The following IFNLR1 variants were observed in gnomAD, a reference collection of about 807,000 sequenced individuals.
The protein encoded by IFNLR1 is interferon lambda receptor 1.
Under a neutral mutation model 52.5 loss-of-function variants are expected in IFNLR1, and 28 were observed. The ratio of observed to expected loss-of-function variants is 0.53; its 90% CI spans 0.40 to 0.73. The LOEUF (loss-of-function observed/expected upper bound fraction) is 0.73. Among genes scored for constraint, IFNLR1 ranks in the 30% least tolerant of loss-of-function variants. The probability of loss-of-function intolerance (pLI) is 0.00; values close to 1 mark genes in which losing one functional copy is unlikely to be tolerated. For synonymous variants in IFNLR1, 276 were observed against 274.9 expected (o/e 1.00, Z -0.04); for missense variants, 623 against 659.1 (o/e 0.95, Z 0.60).
rs1644418808 is a variant in IFNLR1 at position 24,159,578 on chromosome 1, G to A, written c.566C>T (p.Ala189Val). ...ACTGAGGCAGTGGTGTTCGCTGGCA[G>A]CTGGCTGGAGAGTGATCTGGACTGG... ...GQPVQITLQP[A>V]ASEHHCLSAR... Residue 189 changes from alanine (A) to valine (V), a missense_variant, in exon 5 of 7, where the codon GCT (alanine) becomes GTT (valine). Ala to Val is a moderately conservative substitution (Grantham distance 64). Coordinates refer to ENST00000327535, the MANE Select transcript of IFNLR1 (RefSeq NM_170743.4). 1.2e-6 allele frequency: 2 copies of A among 1,614,122 alleles called. No individual in the cohort carries two copies. The highest frequency in any genetic ancestry group is 4.5e-5 in the East Asian group (2 of 44,880).
chr1:24,181,920 C>G (rs909349361), intron 1 of IFNLR1, among the ~76,000 whole-genome samples: 1 of 152,088 alleles, frequency 6.6e-6, no homozygotes, highest in South Asian at 2.1e-4. Context: ...TTTCATGGGC[C>G]GGGCGCAGTG....
chr1:24,175,933 T>C lies in IFNLR1; in HGVS notation c.182+4798A>G, dbSNP rs6424160. Among the ~76,000 whole-genome samples the C allele has an allele frequency of 7.3e-3, 909 of 125,262 alleles. 11 individuals are homozygous for C. The highest frequency in any genetic ancestry group is 0.037 in the African/African-American group (866 of 23,622). The allele number at this position is 125,262 out of a possible 152,430, so 82.2% of individuals were successfully genotyped here. On this transcript the variant is annotated intron_variant, in intron 2 of 6. Coordinates refer to ENST00000327535, the MANE Select transcript of IFNLR1 (RefSeq NM_170743.4). ...TGGGCAACAAGAGCAAAACTCTGTT[T>C]CAAAAAAAAAAAAAAAAGAGAGTTT...
rs1644394096 is a variant in IFNLR1, at chr1:24,157,490, A to G, written c.1203T>C (p.Ala401=). The G allele has an allele frequency of 6.2e-7, 1 of 1,613,204 alleles. No homozygotes were observed. The highest frequency in any genetic ancestry group is 8.5e-7 in the Non-Finnish European group (1 of 1,179,592). Residue 401 remains alanine (A), a synonymous_variant, in exon 7 of 7, where the codon GCT becomes GCC. Coordinates refer to ENST00000327535, the MANE Select transcript of IFNLR1 (RefSeq NM_170743.4). The surrounding 1 kb of genome is among the most constrained non-coding windows in gnomAD (Gnocchi z 5.1). ...ASTVDSSWDR[A]GSSGYLAEKG... ...TCTCAGCCAAATAGCCAGAGGACCCAGCCCTGTCCCAGGAGGAGTCCACAG... is the reference window on the plus strand; with the variant it reads ...TCTCAGCCAAATAGCCAGAGGACCCGGCCCTGTCCCAGGAGGAGTCCACAG...
chr1:24,164,410 TA>T (rs1644497001), intron 3 of IFNLR1, among the ~76,000 whole-genome samples: 1 of 152,240 alleles, frequency 6.6e-6, no homozygotes, highest in Admixed American at 6.5e-5. Context: ...GTGTTCCATT[TA>T]ATCCAAGCTA....
rs374130629 is a variant in IFNLR1, at chr1:24,184,792, G to C, written c.58+2399C>G. ...CCAGCATTTTGGGAGGCAGAGGTAG[G>C]CAAATCACCTGAGGTCAGGAGTTTG... On this transcript the variant is annotated intron_variant, in intron 1 of 6. Transcript: ENST00000327535. Among the ~76,000 whole-genome samples the C allele has an allele frequency of 2.6e-5, 4 of 152,272 alleles. No individual in the cohort carries two copies. The East Asian group carries it at 7.7e-4, about 29-fold the overall frequency.
chr1:24,159,738 T>TTTTTTTTTTTTTTTG, intron 4 of IFNLR1, 105 bp from the exon 5 acceptor site: 2 of 581,504 alleles, frequency 3.4e-6, no homozygotes, highest in Non-Finnish European at 4.9e-6. Context: ...TTTTTTTTTG[T>TTTTTTTTTTTTTTTG]TTTTTTTTTT....
chr1:24,169,346 C>T, intron 3 of IFNLR1, 71 bp downstream of exon 3: 2 of 1,394,202 alleles, frequency 1.4e-6, no homozygotes, highest in South Asian at 1.3e-5. Flanking sequence ...AGAACAGAAC[C>T]ACTGAGCACT....
At chr1:24,161,219 A>T (rs1644439782) in intron 4 of IFNLR1, among the ~76,000 whole-genome samples, 1 of 152,220 alleles carries the variant, frequency 6.6e-6, no homozygotes, top group Non-Finnish European at 1.5e-5. Context: ...CTATACACAC[A>T]TGCATACACA....
chr1:24,187,166 C>A, intron 1 of IFNLR1, 25 bp downstream of exon 1: 1 of 1,360,074 alleles, frequency 7.4e-7, no homozygotes, highest in South Asian at 1.6e-5. Flanking sequence ...TCTTCCCCCT[C>A]CCTCCCGCGG....
At chr1:24,180,203 A>G (rs1386841068) in intron 2 of IFNLR1, among the ~76,000 whole-genome samples, 2 of 151,802 alleles carry the variant, frequency 1.3e-5, no homozygotes, top group Non-Finnish European at 2.9e-5. Context: ...AGGCTGAGGC[A>G]GGAGAATCAC....
In IFNLR1 at chr1:24,159,738, T is replaced by TTTTTTTTTTTTTG. The variant is rs1557642014; in HGVS notation, c.511-106_511-105insCAAAAAAAAAAAA. The TTTTTTTTTTTTTG allele has an allele frequency of 2.0e-3, 1,183 of 578,790 alleles. 11 individuals carry two copies. Among genetic ancestry groups the TTTTTTTTTTTTTG allele is most frequent in the East Asian group, 7.1e-3 (159 of 22,424 alleles). The allele number at this position is 578,790 out of a possible 1,614,324, so 35.9% of individuals were successfully genotyped here. ...GACATGGTAGGGTGTTTTTTTTTTG[T>TTTTTTTTTTTTTG]TTTTTTTTTTTGTTTTTTTGTAGGG... On this transcript the variant is annotated intron_variant, in intron 4 of 6. Transcript: ENST00000327535.
At chr1:24,172,909 G>C (rs1644595665) in intron 2 of IFNLR1, among the ~76,000 whole-genome samples, 1 of 152,072 alleles carries the variant, frequency 6.6e-6, no homozygotes, top group African/African-American at 2.4e-5. Flanking sequence ...GTGTGCATGC[G>C]CTCTTGGTGT....
At chr1:24,173,371 A>C (rs1644601251) in intron 2 of IFNLR1, among the ~76,000 whole-genome samples, 1 of 152,192 alleles carries the variant, frequency 6.6e-6, no homozygotes, top group Non-Finnish European at 1.5e-5. Flanking sequence ...GGAGTTGTAA[A>C]TTAAAGCCAT....
chr1:24,176,486 T>C (rs915470389), intron 2 of IFNLR1, among the ~76,000 whole-genome samples: 7 of 152,234 alleles, frequency 4.6e-5, no homozygotes, highest in Non-Finnish European at 8.8e-5. Flanking sequence ...TCTATATACA[T>C]TTTAACTCAA....
rs760060235 is a variant in IFNLR1 at position 24,187,237 on chromosome 1, G to T, written c.12C>A (p.Pro4=). 8 of 1,282,228 alleles carry T rather than the reference G, an allele frequency of 6.2e-6. 1 individual carries two copies. The highest frequency in any genetic ancestry group is 1.5e-5 in the African/African-American group (1 of 64,556). 79.4% of individuals were successfully genotyped at this position (1,282,228 alleles called of 1,614,324 possible). The change falls in exon 1 of 7, where the codon CCC becomes CCA. Residue 4 remains proline, a synonymous_variant. Transcript: ENST00000327535. The part of the protein sequence containing the change: MAG[P]ERWGPLLLCL... ...ACAGGAGCAGGGGGCCCCAGCGCTC[G>T]GGCCCCGCCATGGCCTTCCTGCCGC...
At chr1:24,161,374 A>G (rs1644441113) in intron 4 of IFNLR1, 168 bp downstream of exon 4, 1 of 719,992 alleles carries the variant, frequency 1.4e-6, no homozygotes, top group Non-Finnish European at 2.3e-6. Flanking sequence ...CCTGTAGGTC[A>G]TCATACTTTG....
chr1:24,184,712 C>G (rs951050886), intron 1 of IFNLR1, among the ~76,000 whole-genome samples: 1 of 152,018 alleles, frequency 6.6e-6, no homozygotes, highest in South Asian at 2.1e-4. Flanking sequence ...ATGATGATAA[C>G]GATGATGATA....
intron 3 of IFNLR1, among the ~76,000 whole-genome samples, chr1:24,162,081 T>C (rs541028525): frequency 1.3e-5 from 2 of 152,310 alleles, no homozygotes; most frequent in African/African-American, 2.4e-5. Context: ...TACAAACTTA[T>C]TATCTCACAG....
rs753082516 is a variant in IFNLR1 at position 24,157,391 on chromosome 1, C to T, written c.1302G>A (p.Ser434=). Residue 434 remains serine (S), a synonymous_variant, in exon 7 of 7, where the codon TCG becomes TCA. Coordinates refer to ENST00000327535, the MANE Select transcript of IFNLR1 (RefSeq NM_170743.4). The surrounding 1 kb of genome is among the most constrained non-coding windows in gnomAD (Gnocchi z 5.1). ...SLPPPEFSKD[S]GFLEELPEDN... is the part of the protein sequence containing the mutation. ...CTTCTGGGAGCTCTTCCAGGAAACC[C>T]GAGTCCTTGGAGAATTCAGGTGGTG... The T allele has an allele frequency of 1.1e-5, 18 of 1,614,184 alleles. No homozygotes were observed. Among genetic ancestry groups the T allele is most frequent in the South Asian group, 4.4e-5 (4 of 91,084 alleles).
Sources: allele counts gnomAD v4.1 joint callset (sites outside exome capture counted in the v4.1 genomes callset), GRCh38; gene constraint gnomAD v4.1.1; non-coding constraint Gnocchi (gnomAD v3.1); transcripts MANE v1.5; gene names NCBI Gene and HGNC (gene_info 2026-07-23, HGNC 2026-07-21).